Variants in XPR1 observed in about 807,000 individuals in gnomAD.
XPR1 encodes the protein solute carrier family 53 member 1.
A neutral mutation model predicts 87.5 loss-of-function variants in XPR1; 28 were observed. The ratio of observed to expected loss-of-function variants is 0.32; its 90% confidence interval spans 0.24 to 0.44. The LOEUF (loss-of-function observed/expected upper bound fraction) is 0.44, where lower values mean the gene tolerates loss of function less well. Among genes scored for constraint, XPR1 ranks in the 20% least tolerant of loss-of-function variants. XPR1 has a pLI of 1.00. For missense variants in XPR1, 559 were observed against 862.3 expected (o/e 0.65, Z 4.41); for synonymous variants, 300 against 306.1 (o/e 0.98, Z 0.21).
In XPR1 at chr1:180,834,958, C is replaced by G. The variant is rs137983017; in HGVS notation, c.1219C>G (p.Leu407Val). ...TCAGCTGAACAGCCTGTCAGTGATA[C>G]TGATGGACCTGGAATATATGATCTG... is the stretch of plus-strand genomic sequence containing the variant. ...ADQLNSLSVI[L>V]MDLEYMICFY... The change falls in exon 10 of 15, where the codon CTG becomes GTG. Residue 407 changes from leucine (L) to valine (V), a missense_variant. Physicochemically the swap from Leu to Val is conservative, Grantham distance 32. This residue lies in a region of XPR1 where 264 missense variants were observed against 377.2 expected (regional missense o/e 0.70). Transcript: ENST00000367590. 2 of 1,614,018 alleles carry G rather than the reference C, an allele frequency of 1.2e-6. No homozygotes were observed. The highest frequency in any genetic ancestry group is 1.7e-6 in the Non-Finnish European group (2 of 1,180,008).
chr1:180,822,071 T>G (rs917826718), intron 7 of XPR1, among the ~76,000 whole-genome samples: 1 of 152,240 alleles, frequency 6.6e-6, no homozygotes, highest in African/African-American at 2.4e-5. Context: ...CTTGTTCCCT[T>G]GTAGTCTGTT....
chr1:180,806,309 G>T, intron 5 of XPR1, 98 bp downstream of exon 5: 1 of 1,532,102 alleles, frequency 6.5e-7, no homozygotes, highest in Non-Finnish European at 8.9e-7. Flanking sequence ...CTAGTTGCTA[G>T]CTTTGAATAT....
chr1:180,825,402 C>T, intron 9 of XPR1, 58 bp downstream of exon 9: 1 of 1,532,242 alleles, frequency 6.5e-7, no homozygotes, highest in Non-Finnish European at 8.8e-7. Context: ...TTGACTTCCT[C>T]TAAGATAAAA....
At chr1:180,763,698 G>T (rs1285267819) in intron 2 of XPR1, among the ~76,000 whole-genome samples, 1 of 152,204 alleles carries the variant, frequency 6.6e-6, no homozygotes, top group Non-Finnish European at 1.5e-5. Flanking sequence ...ATTCATAACA[G>T]AACAAGATAT....
At chr1:180,702,851 T>A (rs536848726) in intron 2 of XPR1, among the ~76,000 whole-genome samples, 141 of 152,236 alleles carry the variant, frequency 9.3e-4, no homozygotes, top group Non-Finnish European at 1.1e-3. Flanking sequence ...ATTTTCTTGC[T>A]TTTTCATGTT....
chr1:180,836,339 A>T (rs918466528), intron 10 of XPR1, among the ~76,000 whole-genome samples, 183 bp from the exon 11 acceptor site: 1 of 150,528 alleles, frequency 6.6e-6, no homozygotes, highest in Non-Finnish European at 1.5e-5. Context: ...CCTGGACCAC[A>T]GAGCGAGACT....
intron 2 of XPR1, among the ~76,000 whole-genome samples, chr1:180,695,455 C>T (rs1025450980): frequency 9.8e-5 from 14 of 143,346 alleles, no homozygotes; most frequent in African/African-American, 3.0e-4. Context: ...CGCGCGCACG[C>T]GCGCGCTTTT....
At chr1:180,723,308 G>A (rs544758126) in intron 2 of XPR1, among the ~76,000 whole-genome samples, 1 of 152,232 alleles carries the variant, frequency 6.6e-6, no homozygotes, top group East Asian at 1.9e-4. Context: ...AATTTAGCAT[G>A]TGCACATATT....
intron 1 of XPR1, among the ~76,000 whole-genome samples, chr1:180,667,489 T>C (rs1298310474): frequency 1.3e-5 from 2 of 152,228 alleles, no homozygotes. Flanking sequence ...AATATGATGC[T>C]GATTTTGGTT....
intron 9 of XPR1, among the ~76,000 whole-genome samples, chr1:180,827,849 G>C (rs1650905825): frequency 6.7e-6 from 1 of 150,154 alleles, no homozygotes; most frequent in Non-Finnish European, 1.5e-5. Context: ...TCATCCTAAA[G>C]TAAAAGTACA....
chr1:180,852,620 C>T (rs543499654), intron 11 of XPR1, among the ~76,000 whole-genome samples: 3 of 152,338 alleles, frequency 2.0e-5, no homozygotes, highest in Non-Finnish European at 4.4e-5. Flanking sequence ...GTAATCTCAG[C>T]TCACTGCAGC....
At chr1:180,740,483 C>T (rs928046086) in intron 2 of XPR1, among the ~76,000 whole-genome samples, 2 of 150,128 alleles carry the variant, frequency 1.3e-5, no homozygotes, top group African/African-American at 4.9e-5. Context: ...AAATATTAAG[C>T]TAGTTTTGCA....
At chr1:180,696,232 T>TA (rs1657172801) in intron 2 of XPR1, among the ~76,000 whole-genome samples, 3 of 113,274 alleles carry the variant, frequency 2.6e-5, no homozygotes, top group East Asian at 2.9e-4. Context: ...ATATATATAT[T>TA]ATGGTAGCTA....
chr1:180,809,847 T>G (rs1229095708), intron 6 of XPR1, among the ~76,000 whole-genome samples: 1 of 152,190 alleles, frequency 6.6e-6, no homozygotes, highest in Non-Finnish European at 1.5e-5. Flanking sequence ...TTTTTGAAAC[T>G]AAAGGTAACT....
chr1:180,683,966 A>G (rs1001513522), intron 2 of XPR1, among the ~76,000 whole-genome samples: 1 of 151,980 alleles, frequency 6.6e-6, no homozygotes, highest in Non-Finnish European at 1.5e-5. Flanking sequence ...CTTTAGTTTA[A>G]TTCGATCCCA....
At chr1:180,757,908 C>T (rs1255296085) in intron 2 of XPR1, among the ~76,000 whole-genome samples, 3 of 140,730 alleles carry the variant, frequency 2.1e-5, no homozygotes, top group African/African-American at 7.9e-5. Flanking sequence ...CCTGTACATA[C>T]CCCTATGGGT....
chr1:180,713,795 C>T (rs1265644948), intron 2 of XPR1, among the ~76,000 whole-genome samples: 1 of 152,104 alleles, frequency 6.6e-6, no homozygotes, highest in Non-Finnish European at 1.5e-5. Flanking sequence ...AGAATTTTTA[C>T]ATCTGTATTT....
chr1:180,744,733 C>G (rs111414984), intron 2 of XPR1, among the ~76,000 whole-genome samples: 8 of 147,852 alleles, frequency 5.4e-5, no homozygotes, highest in Non-Finnish European at 8.9e-5. Context: ...TCACTGCAGC[C>G]TCCGCCTCCC....
chr1:180,877,742 TAAAAA>T (rs936373511), intron 13 of XPR1, among the ~76,000 whole-genome samples: 1 of 148,034 alleles, frequency 6.8e-6, no homozygotes, highest in Admixed American at 6.8e-5. Flanking sequence ...ATGCTTATCT[TAAAAA>T]AAAAAGGCAA....
Sources: gnomAD v4.1 joint callset for allele counts (sites outside exome capture counted in the v4.1 genomes callset) on GRCh38, gnomAD v4.1.1 for gene constraint, gnomAD v4.1.1 regional missense constraint, MANE v1.5 for transcripts, NCBI Gene and HGNC (gene_info 2026-07-23, HGNC 2026-07-21) for gene names.